CYP11A1: variants seen among roughly 807,000 people sequenced by gnomAD.
The protein encoded by CYP11A1 is cholesterol side-chain cleavage enzyme, mitochondrial.
CYP11A1 carries 25 observed loss-of-function variants against 51.9 expected under a neutral mutation model. That is an observed-to-expected ratio of 0.48 (90% CI 0.35 to 0.67). The LOEUF (loss-of-function observed/expected upper bound fraction) is 0.67, where lower values mean the gene tolerates loss of function less well. Among genes scored for constraint, CYP11A1 ranks in the 30% least tolerant of loss-of-function variants. CYP11A1 has a pLI of 0.00. For missense variants in CYP11A1, 578 were observed against 680.9 expected (o/e 0.85, Z 1.68); for synonymous variants, 245 against 262.1 (o/e 0.93, Z 0.63).
intron 5 of CYP11A1, among the ~76,000 whole-genome samples, chr15:74,341,886 C>T (rs1175851857): frequency 2.0e-5 from 3 of 152,316 alleles, no homozygotes; most frequent in Non-Finnish European, 2.9e-5. Context: ...AGGGAGAAGA[C>T]GGCCATCTAC....
At chr15:74,340,138 T>TGTTAAACAA (rs2060599930) in intron 5 of CYP11A1, among the ~76,000 whole-genome samples, 2 of 152,334 alleles carry the variant, frequency 1.3e-5, no homozygotes, top group Admixed American at 1.3e-4. Flanking sequence ...TGACTGCCAT[T>TGTTAAACAA]CCTTTTGAAA....
chr15:74,339,742 G>A lies in CYP11A1; in HGVS notation c.1002C>T (p.Thr334=). Residue 334 remains threonine, a synonymous_variant, in exon 6 of 9, where the codon ACC becomes ACT. Coordinates refer to ENST00000268053, the MANE Select transcript of CYP11A1 (RefSeq NM_000781.3). ...CCATCTCATACAAGTGCCACTGCAG[G>A]GTCATGGACGTCTGGTGGGGAGTAG... The part of the protein sequence containing the change: ...LAGGVDTTSM[T]LQWHLYEMAR... The A allele has an allele frequency of 2.5e-6, 4 of 1,614,138 alleles. No homozygotes were observed. Among genetic ancestry groups the A allele is most frequent in the Non-Finnish European group, 3.4e-6 (4 of 1,180,024 alleles).
At position 74,338,673 on chromosome 15, in the gene CYP11A1, G is replaced by A. The variant is rs749547595; in HGVS notation, c.1332C>T (p.Asp444=). The A allele has an allele frequency of 3.0e-5, 49 of 1,614,170 alleles. No individual in the cohort carries two copies. The highest frequency in any genetic ancestry group is 4.5e-5 in the East Asian group (2 of 44,878). The change falls in exon 8 of 9, where the codon GAC becomes GAT. Residue 444 remains aspartate, a synonymous_variant. Coordinates refer to ENST00000268053, the MANE Select transcript of CYP11A1 (RefSeq NM_000781.3). ...AGTTCCGGAAGTAGGTGATGTTCTT[G>A]TCTTTGCTCAGCCATCGGGTTGGGT... is the stretch of plus-strand genomic sequence containing the variant. The part of the protein sequence containing the change: ...NFDPTRWLSK[D]KNITYFRNLG...
intron 1 of CYP11A1, chr15:74,356,388 G>A (rs747034617): frequency 1.1e-4 from 16 of 152,274 alleles, no homozygotes; most frequent in Non-Finnish European, 1.6e-4. Context: ...GATCTTCTCC[G>A]CTTAGCGGCT....
At chr15:74,361,605 C>T in intron 1 of CYP11A1, 1 of 1,115,912 alleles carries the variant, frequency 9.0e-7, no homozygotes, top group Non-Finnish European at 1.3e-6. Context: ...GCCCTTGGGT[C>T]ACGTCTCCTT....
Position 74,348,105 on chromosome 15 carries a change from G to A in CYP11A1, c.270-50C>T, listed in dbSNP as rs145866066. 3,474 of 1,600,998 alleles carry A rather than the reference G, an allele frequency of 2.2e-3. 10 individuals are homozygous for A. Among genetic ancestry groups the A allele is most frequent in the Middle Eastern group, 3.1e-3 (19 of 6,046 alleles). Reference sequence around the variant, plus strand: ...GATGGAAGGATCCGAGGAGAGCTATGGATACAGGCTCAGCACAGCTGCCTC... The same window carrying A: ...GATGGAAGGATCCGAGGAGAGCTATAGATACAGGCTCAGCACAGCTGCCTC... On this transcript the variant is annotated intron_variant, in intron 1 of 8. Transcript: ENST00000268053.
Sources: gnomAD v4.1 joint callset for allele counts (sites outside exome capture counted in the v4.1 genomes callset) on GRCh38, gnomAD v4.1.1 for gene constraint, MANE v1.5 for transcripts, NCBI Gene and HGNC (gene_info 2026-07-23, HGNC 2026-07-21) for gene names.